Variants in PRKCE observed in about 807,000 individuals in gnomAD.
PRKCE encodes the protein protein kinase C epsilon.
In PRKCE, 16 loss-of-function variants were observed where a neutral mutation model predicts 85.4. That is an observed-to-expected ratio of 0.19 (90% CI 0.13 to 0.28). PRKCE has a LOEUF of 0.28. Ranked by LOEUF, PRKCE falls within the 10% of genes least tolerant of loss-of-function variation. The pLI is 1.00. For missense variants in PRKCE, 573 were observed against 975.2 expected (o/e 0.59, Z 5.49); for synonymous variants, 388 against 371.5 (o/e 1.04, Z -0.51).
chr2:45,677,506 G>A (rs541512714), intron 1 of PRKCE, among the ~76,000 whole-genome samples: 89 of 152,102 alleles, frequency 5.9e-4, no homozygotes, highest in Non-Finnish European at 1.1e-3. Flanking sequence ...ACAGGCGCCC[G>A]CCACCGCGCC....
intron 14 of PRKCE, among the ~76,000 whole-genome samples, chr2:46,165,814 G>A (rs1015016226): frequency 3.3e-5 from 5 of 152,224 alleles, no homozygotes; most frequent in African/African-American, 9.6e-5. Flanking sequence ...GGAATGGGGG[G>A]AAGCCAGCGT....
chr2:45,731,021 T>G (rs1681526671), intron 1 of PRKCE, among the ~76,000 whole-genome samples: 1 of 151,996 alleles, frequency 6.6e-6, no homozygotes, highest in African/African-American at 2.4e-5. Context: ...AATTTTGAAG[T>G]GAAGGAAATA....
chr2:45,839,931 G>A (rs1441500493), intron 1 of PRKCE, among the ~76,000 whole-genome samples: 1 of 152,220 alleles, frequency 6.6e-6, no homozygotes, highest in Non-Finnish European at 1.5e-5. Flanking sequence ...CCAGCACGGA[G>A]GCTGCAGTGG....
intron 2 of PRKCE, among the ~76,000 whole-genome samples, chr2:45,934,987 G>T (rs1699325062): frequency 6.6e-6 from 1 of 151,618 alleles, no homozygotes; most frequent in South Asian, 2.1e-4. Context: ...CTTGATCGTG[G>T]GAGGTTGAGG....
intron 10 of PRKCE, among the ~76,000 whole-genome samples, chr2:46,016,307 A>G (rs939987798): frequency 6.6e-6 from 1 of 152,170 alleles, no homozygotes. Context: ...GAAGGAATGC[A>G]CGGGTGTATG....
intron 9 of PRKCE, among the ~76,000 whole-genome samples, chr2:46,008,978 C>A (rs1705434963): frequency 6.6e-6 from 1 of 152,166 alleles, no homozygotes; most frequent in Non-Finnish European, 1.5e-5. Context: ...ATCATGAATT[C>A]CCTCATTAAG....
At chr2:45,954,976 G>A (rs992647258) in intron 2 of PRKCE, among the ~76,000 whole-genome samples, 1 of 152,158 alleles carries the variant, frequency 6.6e-6, no homozygotes, top group African/African-American at 2.4e-5. Context: ...ATGGGGGTAT[G>A]GGGTGAGGTT....
At chr2:45,920,416 T>A (rs1015526693) in intron 2 of PRKCE, among the ~76,000 whole-genome samples, 18 of 152,352 alleles carry the variant, frequency 1.2e-4, no homozygotes, top group Middle Eastern at 3.4e-3. Context: ...CTCCTAGGTA[T>A]GATCCCAATA....
intron 1 of PRKCE, among the ~76,000 whole-genome samples, chr2:45,725,773 G>A (rs1432160968): frequency 6.6e-6 from 1 of 151,906 alleles, no homozygotes; most frequent in Non-Finnish European, 1.5e-5. Flanking sequence ...GGAGGTTGCA[G>A]TGAACCGAGA....
intron 10 of PRKCE, among the ~76,000 whole-genome samples, chr2:46,019,380 C>T (rs1706446682): frequency 6.6e-6 from 1 of 152,156 alleles, no homozygotes; most frequent in Admixed American, 6.5e-5. Context: ...GGATGGGGTC[C>T]TGTCCAGGGT....
At chr2:46,008,635 T>C (rs1705403429) in intron 9 of PRKCE, among the ~76,000 whole-genome samples, 2 of 152,148 alleles carry the variant, frequency 1.3e-5, no homozygotes, top group African/African-American at 4.8e-5. Flanking sequence ...TTCCCAGCCG[T>C]CTCACCTGCC....
chr2:45,862,868 C>T (rs1346864424), intron 2 of PRKCE, among the ~76,000 whole-genome samples: 1 of 152,236 alleles, frequency 6.6e-6, no homozygotes, highest in Non-Finnish European at 1.5e-5. Flanking sequence ...CAAAGCTTCG[C>T]AGGGGCTGCA....
At chr2:45,759,193 A>G (rs147781971) in intron 1 of PRKCE, among the ~76,000 whole-genome samples, 62 of 152,238 alleles carry the variant, frequency 4.1e-4, no homozygotes, top group Non-Finnish European at 6.9e-4. Context: ...AATATGCCAG[A>G]ACAAGGCAGT....
At chr2:46,119,712 T>C (rs1673129860) in intron 11 of PRKCE, among the ~76,000 whole-genome samples, 1 of 152,210 alleles carries the variant, frequency 6.6e-6, no homozygotes, top group African/African-American at 2.4e-5. Flanking sequence ...CAACTAGTGA[T>C]TGAGAAACAC....
At chr2:46,097,101 A>T (rs966766619) in intron 11 of PRKCE, among the ~76,000 whole-genome samples, 3 of 152,196 alleles carry the variant, frequency 2.0e-5, no homozygotes, top group Non-Finnish European at 2.9e-5. Context: ...CAGATCTCAC[A>T]ACCAGGTGAT....
chr2:46,157,391 G>A (rs1431555098), intron 13 of PRKCE, among the ~76,000 whole-genome samples: 1 of 152,162 alleles, frequency 6.6e-6, no homozygotes, highest in East Asian at 1.9e-4. Flanking sequence ...TTAACTAGGG[G>A]CAATTTTGTC....
At chr2:45,667,383 A>G (rs1479126289) in intron 1 of PRKCE, among the ~76,000 whole-genome samples, 1 of 152,112 alleles carries the variant, frequency 6.6e-6, no homozygotes, top group East Asian at 1.9e-4. Flanking sequence ...CCTGGCATCA[A>G]GTGATCCTCT....
intron 14 of PRKCE, among the ~76,000 whole-genome samples, chr2:46,176,238 C>G (rs1461843658): frequency 6.6e-6 from 1 of 152,122 alleles, no homozygotes; most frequent in East Asian, 1.9e-4. Context: ...ACCTGGGGAG[C>G]CCTATTATTC....
intron 2 of PRKCE, among the ~76,000 whole-genome samples, chr2:45,959,412 G>C (rs1701231488): frequency 1.3e-5 from 2 of 152,156 alleles, no homozygotes; most frequent in Non-Finnish European, 1.5e-5. Context: ...CATGAGAGTT[G>C]AACCTTTTAC....
Sources: allele counts gnomAD v4.1 joint callset (sites outside exome capture counted in the v4.1 genomes callset), GRCh38; gene constraint gnomAD v4.1.1; transcripts MANE v1.5; gene names NCBI Gene and HGNC (gene_info 2026-07-23, HGNC 2026-07-21).